NTRK3: variants seen among roughly 807,000 people sequenced by gnomAD.
NTRK3 encodes the protein NT-3 growth factor receptor.
Under a neutral mutation model 91.7 loss-of-function variants are expected in NTRK3, and 24 were observed. The ratio of observed to expected loss-of-function variants is 0.26; its 90% CI spans 0.19 to 0.37. The LOEUF is 0.37. Among genes scored for constraint, NTRK3 ranks in the 10% least tolerant of loss-of-function variants. NTRK3 has a pLI of 1.00. For synonymous variants in NTRK3, 483 were observed against 404.0 expected, an observed-to-expected ratio of 1.20 and a Z score of -2.34; for missense variants, 880 against 1,068.9, an observed-to-expected ratio of 0.82 and a Z score of 2.46.
rs377135523 is a variant in NTRK3 at position 88,045,413 on chromosome 15, C to T, written c.1397-12368G>A. Among the ~76,000 whole-genome samples, 3 of 152,200 alleles carry T rather than the reference C, an allele frequency of 2.0e-5. No homozygotes were observed. The East Asian group carries it at 5.8e-4, about 29-fold the overall frequency. ...AAATTCTCTAGATCATAAATCCCTACAAGGCAAGGACTCTATCCTGGATAT... is the reference window on the plus strand; with the variant it reads ...AAATTCTCTAGATCATAAATCCCTATAAGGCAAGGACTCTATCCTGGATAT... On this transcript the variant is annotated intron_variant, in intron 13 of 18. Transcript: ENST00000394480.
At chr15:88,120,166 G>C (rs886185043) in intron 13 of NTRK3, among the ~76,000 whole-genome samples, 1 of 152,160 alleles carries the variant, frequency 6.6e-6, no homozygotes, top group Non-Finnish European at 1.5e-5. Context: ...TTAGACAACC[G>C]GTGAAACCAG....
chr15:88,182,087 G>C (rs1218596294), intron 5 of NTRK3, among the ~76,000 whole-genome samples: 2 of 152,076 alleles, frequency 1.3e-5, no homozygotes, highest in African/African-American at 4.8e-5. Context: ...TGGGGCAAGG[G>C]GCAACAGTTA....
chr15:88,246,772 G>A (rs1465916311), intron 3 of NTRK3, among the ~76,000 whole-genome samples: 2 of 152,180 alleles, frequency 1.3e-5, no homozygotes, highest in Non-Finnish European at 2.9e-5. Flanking sequence ...CCGGGTCCTG[G>A]AGTCTCACAT....
At chr15:88,081,245 G>A (rs1458062055) in intron 13 of NTRK3, among the ~76,000 whole-genome samples, 1 of 152,140 alleles carries the variant, frequency 6.6e-6, no homozygotes, top group African/African-American at 2.4e-5. Flanking sequence ...TGGATCCAAT[G>A]ACCAGTACCT....
intron 15 of NTRK3, among the ~76,000 whole-genome samples, chr15:87,934,213 G>T (rs902682282): frequency 1.3e-5 from 2 of 152,258 alleles, no homozygotes; most frequent in Admixed American, 6.5e-5. Flanking sequence ...GCAGGTGGGC[G>T]CCCCGATTTC....
chr15:88,089,070 A>C (rs2048771303), intron 13 of NTRK3, among the ~76,000 whole-genome samples: 2 of 151,938 alleles, frequency 1.3e-5, no homozygotes, highest in Non-Finnish European at 2.9e-5. Flanking sequence ...AAGGCCACCA[A>C]ATCTGAGGCT....
chr15:87,956,217 G>A (rs1449295147), intron 14 of NTRK3, among the ~76,000 whole-genome samples: 2 of 152,178 alleles, frequency 1.3e-5, no homozygotes, highest in Non-Finnish European at 2.9e-5. Context: ...AAATTTAAAA[G>A]TGCCCAAATA....
chr15:88,002,659 T>G (rs1037141021), intron 14 of NTRK3, among the ~76,000 whole-genome samples: 3 of 83,446 alleles, frequency 3.6e-5, no homozygotes, highest in African/African-American at 1.2e-4. Flanking sequence ...TTTTAAAAAC[T>G]AAGACTCAAC....
intron 3 of NTRK3, among the ~76,000 whole-genome samples, chr15:88,208,763 G>A (rs978179432): frequency 6.6e-6 from 1 of 152,150 alleles, no homozygotes; most frequent in Non-Finnish European, 1.5e-5. Flanking sequence ...TCCCAGTGCT[G>A]GCTGCACATC....
intron 11 of NTRK3, among the ~76,000 whole-genome samples, chr15:88,127,472 A>T (rs559170239): frequency 1.3e-5 from 2 of 152,202 alleles, no homozygotes; most frequent in Non-Finnish European, 2.9e-5. Flanking sequence ...AATAAAGGAC[A>T]TTCAGTCCCA....
chr15:87,914,347 T>C (rs538621038), intron 17 of NTRK3, among the ~76,000 whole-genome samples: 1 of 152,306 alleles, frequency 6.6e-6, no homozygotes, highest in South Asian at 2.1e-4. Context: ...GTCAGGGCCA[T>C]TGGCAGGGAA....
chr15:87,920,938 G>C (rs374797512), intron 17 of NTRK3, among the ~76,000 whole-genome samples: 1 of 152,098 alleles, frequency 6.6e-6, no homozygotes, highest in East Asian at 1.9e-4. Context: ...TGGAAAAGCT[G>C]GTAAAATCCA....
At chr15:88,103,849 T>C (rs1193110178) in intron 13 of NTRK3, among the ~76,000 whole-genome samples, 1 of 152,148 alleles carries the variant, frequency 6.6e-6, no homozygotes, top group Non-Finnish European at 1.5e-5. Flanking sequence ...CAAAGGGCAA[T>C]AGGAGACTCT....
intron 17 of NTRK3, among the ~76,000 whole-genome samples, chr15:87,926,256 A>G (rs2141880983): frequency 6.6e-6 from 1 of 152,310 alleles, no homozygotes; most frequent in South Asian, 2.1e-4. Context: ...ATTTTACAGA[A>G]AAGTAGGGAA....
At chr15:87,955,165 GCT>G (rs1477137301) in intron 14 of NTRK3, among the ~76,000 whole-genome samples, 3 of 152,214 alleles carry the variant, frequency 2.0e-5, no homozygotes, top group African/African-American at 7.2e-5. Flanking sequence ...ATTCATTTCT[GCT>G]CTGTTACCCG....
chr15:87,945,282 A>G (rs1012092759), intron 14 of NTRK3, among the ~76,000 whole-genome samples: 2 of 152,222 alleles, frequency 1.3e-5, no homozygotes, highest in African/African-American at 4.8e-5. Context: ...GTTCCACCAG[A>G]GGAAGCCACC....
intron 13 of NTRK3, among the ~76,000 whole-genome samples, chr15:88,035,327 A>T (rs1257954034): frequency 2.0e-5 from 3 of 152,154 alleles, no homozygotes; most frequent in Non-Finnish European, 4.4e-5. Flanking sequence ...ACAGGACTCT[A>T]GTGGTTTACC....
At chr15:88,191,985 C>T (rs1458691533) in intron 3 of NTRK3, among the ~76,000 whole-genome samples, 1 of 152,220 alleles carries the variant, frequency 6.6e-6, no homozygotes, top group Non-Finnish European at 1.5e-5. Context: ...CACGTTAGCA[C>T]ACAAGCCTAC....
chr15:88,050,499 G>A (rs899725994), intron 13 of NTRK3, among the ~76,000 whole-genome samples: 2 of 102,604 alleles, frequency 1.9e-5, no homozygotes, highest in African/African-American at 5.5e-5. Flanking sequence ...GTGTGTGTGT[G>A]TGTGTGTGTG....
Sources: gnomAD v4.1 joint callset for allele counts (sites outside exome capture counted in the v4.1 genomes callset) on GRCh38, gnomAD v4.1.1 for gene constraint, MANE v1.5 for transcripts, NCBI Gene and HGNC (gene_info 2026-07-23, HGNC 2026-07-21) for gene names.